The following EBF2 variants were observed in gnomAD, a reference collection of about 807,000 sequenced individuals.
The protein encoded by EBF2 is transcription factor COE2.
Under a neutral mutation model 72.8 loss-of-function variants are expected in EBF2, and 21 were observed. That is an observed-to-expected ratio of 0.29 (90% CI 0.20 to 0.42). The LOEUF is 0.42. EBF2 is among the 10% of genes least tolerant of loss of function. The pLI is 1.00. For synonymous variants in EBF2, 299 were observed against 274.2 expected (o/e 1.09, Z -0.89); for missense variants, 637 against 731.2 (o/e 0.87, Z 1.49).
chr8:25,897,109 A>G (rs899277080), intron 7 of EBF2, among the ~76,000 whole-genome samples: 1 of 152,200 alleles, frequency 6.6e-6, no homozygotes, highest in African/African-American at 2.4e-5. Flanking sequence ...AGGAGAACAC[A>G]GAGTTGACTG....
rs1193219590 is a variant in EBF2, at chr8:25,842,884, C to G, written c.*1725G>C. 6.6e-6 allele frequency: 1 copy of G among 152,170 alleles called. No homozygotes were observed. Among genetic ancestry groups the G allele is most frequent in the Admixed American group, 6.5e-5 (1 of 15,280 alleles). The allele number at this position is 152,170 out of a possible 1,614,324, so 9.4% of individuals were successfully genotyped here. A position where few individuals can be genotyped will look rare whatever the true frequency, so the allele number is the denominator to read the frequency against. On this transcript the variant is annotated 3_prime_UTR_variant, in exon 16 of 16. Coordinates refer to ENST00000520164, the MANE Select transcript of EBF2 (RefSeq NM_022659.4). The stretch of plus-strand genomic sequence containing the variant: ...TGATGTTTTTCCATGAGTGCTGCAT[C>G]TATTTCTAATGCTGAAATCCCAACC...
chr8:25,861,168 T>C lies in EBF2; in HGVS notation c.1223A>G (p.Asn408Ser). Residue 408 changes from asparagine to serine, a missense_variant, in exon 13 of 16, where the codon AAT (asparagine) becomes AGT (serine). Asn to Ser is a conservative substitution (Grantham distance 46). Around this residue, in one of 3 missense-constraint regions of EBF2, gnomAD observed 259 missense variants for 268.1 expected, o/e 0.97. Transcript: ENST00000520164. ...IAEALYSVPR[N>S]PSQLPALSSS... ...AGAGAGGGCTGGAAGCTGGCTGGGA[T>C]TCCTGGGGACGCTGTAGAGAGCTTC... 6.2e-7 allele frequency: 1 copy of C among 1,614,116 alleles called. No homozygotes were observed. Among genetic ancestry groups the C allele is most frequent in the Non-Finnish European group, 8.5e-7 (1 of 1,180,002 alleles).
At chr8:25,853,398 T>A (rs890754048) in intron 14 of EBF2, among the ~76,000 whole-genome samples, 1 of 151,780 alleles carries the variant, frequency 6.6e-6, no homozygotes, top group Non-Finnish European at 1.5e-5. Flanking sequence ...AAATCAGGAA[T>A]AAAAATGACC....
chr8:25,850,887 A>G, intron 14 of EBF2, 126 bp from the exon 15 acceptor site: 2 of 1,114,192 alleles, frequency 1.8e-6, no homozygotes, highest in Non-Finnish European at 2.5e-6. Context: ...GATTAAAAAA[A>G]AAAAGTTGAA....
chr8:25,906,232 G>T (rs1379526321), intron 7 of EBF2, among the ~76,000 whole-genome samples: 2 of 152,174 alleles, frequency 1.3e-5, no homozygotes, highest in Non-Finnish European at 2.9e-5. Flanking sequence ...AGTGCTGGTA[G>T]AAAGTAGGAT....
intron 8 of EBF2, among the ~76,000 whole-genome samples, chr8:25,888,205 C>T (rs537106896): frequency 6.6e-6 from 1 of 152,340 alleles, no homozygotes; most frequent in African/African-American, 2.4e-5. Context: ...GGATTGGACA[C>T]ACCACAAATA....
At chr8:25,999,126 G>A (rs1000924615) in intron 6 of EBF2, among the ~76,000 whole-genome samples, 2 of 152,114 alleles carry the variant, frequency 1.3e-5, no homozygotes, top group African/African-American at 2.4e-5. Flanking sequence ...AACAAGCTTA[G>A]AGAAAAACAG....
At chr8:25,865,935 G>C (rs554457771) in intron 10 of EBF2, among the ~76,000 whole-genome samples, 3 of 151,756 alleles carry the variant, frequency 2.0e-5, no homozygotes, top group Non-Finnish European at 2.9e-5. Flanking sequence ...TGAGGCAGGA[G>C]AATGGCGTGA....
At position 26,042,269 on chromosome 8, in the gene EBF2, C is replaced by A. The variant is rs1563217564; in HGVS notation, c.132-18G>T. ...CGACCCCGCTGCACAGGGAGAAAAA[C>A]GGGGGAACACAAGACACGGGGAAGC... On this transcript the variant is annotated intron_variant, in intron 1 of 15. Coordinates refer to ENST00000520164, the MANE Select transcript of EBF2 (RefSeq NM_022659.4). 6.2e-7 allele frequency: 1 copy of A among 1,605,568 alleles called. No homozygotes were observed. Among genetic ancestry groups the A allele is most frequent in the East Asian group, 2.2e-5 (1 of 44,582 alleles).
At chr8:26,005,429 A>ATAATATAT (rs1563205897) in intron 6 of EBF2, among the ~76,000 whole-genome samples, 2 of 4,864 alleles carry the variant, frequency 4.1e-4, no homozygotes, top group African/African-American at 8.8e-4. Flanking sequence ...AATATATATT[A>ATAATATAT]TATATATTAT....
intron 6 of EBF2, among the ~76,000 whole-genome samples, chr8:25,964,442 C>T (rs973645224): frequency 7.9e-5 from 12 of 152,002 alleles, no homozygotes; most frequent in African/African-American, 1.4e-4. Flanking sequence ...ATTTCATGGA[C>T]GTGACATATC....
chr8:25,900,894 G>A lies in EBF2; in HGVS notation c.633+7580C>T, dbSNP rs960887244. ...CAAACATACAGTTAGAAGGTGTAAC[G>A]TCTAATATTTGATAGAGTGGGGTGA... is the stretch of plus-strand genomic sequence containing the variant. On this transcript the variant is annotated intron_variant, in intron 7 of 15. Transcript: ENST00000520164. Among the ~76,000 whole-genome samples the A allele has an allele frequency of 1.4e-4, 21 of 152,226 alleles. No individual in the cohort carries two copies. The East Asian group carries it at 1.7e-3, about 13-fold the overall frequency.
At chr8:26,006,828 C>G (rs1385730) in intron 6 of EBF2, among the ~76,000 whole-genome samples, 33,744 of 152,208 alleles carry the variant, frequency 0.22, 4,270 homozygotes, top group Non-Finnish European at 0.28. Context: ...CTTTAAAGGC[C>G]GTGGGACTGA....
intron 6 of EBF2, among the ~76,000 whole-genome samples, chr8:25,982,413 C>T (rs926647991): frequency 6.6e-6 from 1 of 152,166 alleles, no homozygotes; most frequent in Admixed American, 6.5e-5. Flanking sequence ...GCTGTGGCCC[C>T]GCTCCCTCAT....
intron 6 of EBF2, among the ~76,000 whole-genome samples, chr8:26,014,903 A>C (rs1585228332): frequency 6.6e-6 from 1 of 152,224 alleles, no homozygotes; most frequent in South Asian, 2.1e-4. Flanking sequence ...GAAAGCGCTT[A>C]AAGGCTTGGG....
intron 10 of EBF2, among the ~76,000 whole-genome samples, chr8:25,886,520 T>C (rs1385014000): frequency 7.9e-5 from 12 of 152,250 alleles, no homozygotes; most frequent in Admixed American, 7.8e-4. Context: ...TTTTCAGAGA[T>C]GTGTTCCTGA....
chr8:25,897,608 C>T (rs545921513), intron 7 of EBF2, among the ~76,000 whole-genome samples: 1 of 152,344 alleles, frequency 6.6e-6, no homozygotes, highest in East Asian at 1.9e-4. Flanking sequence ...CAAGTGAGAA[C>T]ATGCAGTATT....
chr8:25,971,006 T>G (rs567203074), intron 6 of EBF2, among the ~76,000 whole-genome samples: 2 of 152,224 alleles, frequency 1.3e-5, no homozygotes, highest in Admixed American at 6.5e-5. Flanking sequence ...CTAATATTTT[T>G]TATGTTTTCT....
intron 6 of EBF2, among the ~76,000 whole-genome samples, chr8:26,007,832 G>A (rs1804907558): frequency 6.6e-6 from 1 of 151,226 alleles, no homozygotes; most frequent in Admixed American, 6.6e-5. Flanking sequence ...ACACACTACA[G>A]AGAAAGCAGC....
Sources: gnomAD v4.1 joint callset for allele counts (sites outside exome capture counted in the v4.1 genomes callset) on GRCh38, gnomAD v4.1.1 for gene constraint, gnomAD v4.1.1 regional missense constraint, MANE v1.5 for transcripts, NCBI Gene and HGNC (gene_info 2026-07-23, HGNC 2026-07-21) for gene names.